ARHGAP26: variants seen among roughly 807,000 people sequenced by gnomAD.
ARHGAP26 encodes the protein Rho GTPase activating protein 26.
A neutral mutation model predicts 104.8 loss-of-function variants in ARHGAP26; 38 were observed. That is an observed-to-expected ratio of 0.36 (90% confidence interval 0.28 to 0.48). The LOEUF (loss-of-function observed/expected upper bound fraction) is 0.48. Among genes scored for constraint, ARHGAP26 ranks in the 20% least tolerant of loss-of-function variants. ARHGAP26 has a pLI of 0.99. For missense variants in ARHGAP26, 704 were observed against 947.9 expected (o/e 0.74, Z 3.38); for synonymous variants, 341 against 340.0 (o/e 1.00, Z -0.03).
At chr5:143,149,485 G>A (rs529322949) in intron 20 of ARHGAP26, among the ~76,000 whole-genome samples, 31 of 152,286 alleles carry the variant, frequency 2.0e-4, no homozygotes, top group African/African-American at 7.5e-4. Context: ...AGGCAGTGAG[G>A]TGATTTTCCT....
At chr5:142,806,335 C>A (rs1487828888) in intron 1 of ARHGAP26, among the ~76,000 whole-genome samples, 1 of 152,158 alleles carries the variant, frequency 6.6e-6, no homozygotes, top group Non-Finnish European at 1.5e-5. Flanking sequence ...TGGGCTCAAG[C>A]AATCCTCCTG....
chr5:142,959,623 C>G (rs991059668), intron 11 of ARHGAP26, among the ~76,000 whole-genome samples: 2 of 152,152 alleles, frequency 1.3e-5, no homozygotes, highest in Admixed American at 6.5e-5. Context: ...CATGTTGAAT[C>G]CACCCTATGC....
chr5:142,834,910 A>G (rs745436794), intron 1 of ARHGAP26, among the ~76,000 whole-genome samples: 4 of 152,202 alleles, frequency 2.6e-5, no homozygotes, highest in Non-Finnish European at 5.9e-5. Flanking sequence ...CTACCATATC[A>G]CCCAAAGAGT....
At chr5:143,063,216 T>G (rs1786994054) in intron 17 of ARHGAP26, among the ~76,000 whole-genome samples, 1 of 152,148 alleles carries the variant, frequency 6.6e-6, no homozygotes, top group South Asian at 2.1e-4. Context: ...TTCTAGTGAT[T>G]TTAACCCTTT....
Position 142,860,731 on chromosome 5 carries a change from C to T in ARHGAP26, c.155-12669C>T, listed in dbSNP as rs563505065. Among the ~76,000 whole-genome samples the T allele has an allele frequency of 5.3e-5, 8 of 152,352 alleles. No individual in the cohort carries two copies. In the South Asian group the frequency reaches 1.0e-3, roughly 20 times the overall value. Reference sequence around the variant, plus strand: ...GCTGTCACCTAGCTTTCTTCTACCACGAGCATTAATTGCCTGCTTTGGGAA... The same window carrying T: ...GCTGTCACCTAGCTTTCTTCTACCATGAGCATTAATTGCCTGCTTTGGGAA... On this transcript the variant is annotated intron_variant, in intron 1 of 22. Coordinates refer to ENST00000645722, the MANE Select transcript of ARHGAP26 (RefSeq NM_001135608.3).
chr5:143,201,507 C>A (rs1413542584), intron 20 of ARHGAP26, among the ~76,000 whole-genome samples: 1 of 152,068 alleles, frequency 6.6e-6, no homozygotes, highest in Non-Finnish European at 1.5e-5. Flanking sequence ...TGGTGAGGGG[C>A]AGGAGGGAGC....
rs541470990 is a variant in ARHGAP26 at position 142,819,976 on chromosome 5, G to A, written c.154+49061G>A. 4.6e-5 allele frequency among the ~76,000 whole-genome samples: 7 copies of A among 152,270 alleles called. No individual in the cohort carries two copies. In the South Asian group the frequency reaches 1.5e-3, roughly 32 times the overall value. On this transcript the variant is annotated intron_variant, in intron 1 of 22. Coordinates refer to ENST00000645722, the MANE Select transcript of ARHGAP26 (RefSeq NM_001135608.3). ...CCTTGAAGTTGTAGACAACATTTTG[G>A]ATTTACTTACCGGTCTGCCGTTGTT... is the stretch of plus-strand genomic sequence containing the variant.
chr5:142,975,861 A>C (rs1772998736), intron 11 of ARHGAP26, among the ~76,000 whole-genome samples: 1 of 152,246 alleles, frequency 6.6e-6, no homozygotes, highest in Non-Finnish European at 1.5e-5. Flanking sequence ...TATTTATCTT[A>C]CATGAATTCA....
In ARHGAP26 at chr5:143,066,562, G is replaced by A. The variant is rs140465926; in HGVS notation, c.1538+8815G>A. 3.8e-3 allele frequency among the ~76,000 whole-genome samples: 585 copies of A among 152,312 alleles called. 2 individuals are homozygous for A. Among genetic ancestry groups the A allele is most frequent in the African/African-American group, 0.014 (566 of 41,562 alleles). On this transcript the variant is annotated intron_variant, in intron 17 of 22. Transcript: ENST00000645722. Reference sequence around the variant, plus strand: ...AATCCGGGAACGGGAGAAAGAAGATGATAGAGCTGGTTTTAGGGTATGGGA... The same window carrying A: ...AATCCGGGAACGGGAGAAAGAAGATAATAGAGCTGGTTTTAGGGTATGGGA...
chr5:142,933,829 A>C (rs1243400473), intron 11 of ARHGAP26, among the ~76,000 whole-genome samples: 2 of 152,244 alleles, frequency 1.3e-5, no homozygotes, highest in Admixed American at 1.3e-4. Flanking sequence ...AATAGTTGGC[A>C]GTCTCCATCC....
intron 1 of ARHGAP26, among the ~76,000 whole-genome samples, chr5:142,823,976 C>T (rs1369948558): frequency 6.6e-6 from 1 of 152,136 alleles, no homozygotes; most frequent in African/African-American, 2.4e-5. Context: ...AATAACAAAG[C>T]AATGGATGAG....
intron 1 of ARHGAP26, among the ~76,000 whole-genome samples, chr5:142,791,586 T>C (rs1182326083): frequency 6.6e-6 from 1 of 152,168 alleles, no homozygotes; most frequent in African/African-American, 2.4e-5. Flanking sequence ...ACAAAGCCGT[T>C]TGTTTGTGTA....
chr5:143,009,316 A>G (rs1301185209), intron 11 of ARHGAP26, among the ~76,000 whole-genome samples: 1 of 152,154 alleles, frequency 6.6e-6, no homozygotes, highest in African/African-American at 2.4e-5. Context: ...CATCGTCGTC[A>G]TTGTCATCAT....
In ARHGAP26 at chr5:143,025,199, C is replaced by T. The variant is rs553879177; in HGVS notation, c.1144+11083C>T. Among the ~76,000 whole-genome samples the T allele has an allele frequency of 1.3e-3, 201 of 152,234 alleles. 2 individuals carry two copies. The highest frequency in any genetic ancestry group is 6.2e-3 in the South Asian group (30 of 4,820). ...ATTGCCTTATTTGATTTTCACAACA[C>T]CTGCATCTTATATGTGAGGGGAATG... On this transcript the variant is annotated intron_variant, in intron 12 of 22. Transcript: ENST00000645722.
chr5:143,016,226 G>A (rs1273681910), intron 12 of ARHGAP26, among the ~76,000 whole-genome samples: 1 of 152,160 alleles, frequency 6.6e-6, no homozygotes, highest in Non-Finnish European at 1.5e-5. Flanking sequence ...TGCATTACTT[G>A]ACCTCCCTCA....
chr5:143,014,260 A>T (rs1282339065), intron 12 of ARHGAP26, 144 bp downstream of exon 12: 2 of 845,984 alleles, frequency 2.4e-6, no homozygotes, highest in African/African-American at 3.4e-5. Context: ...ACATGCCTCC[A>T]CCCCAACTTT....
intron 20 of ARHGAP26, among the ~76,000 whole-genome samples, chr5:143,167,799 A>T (rs1292867282): frequency 1.3e-5 from 2 of 152,174 alleles, no homozygotes; most frequent in East Asian, 3.8e-4. Flanking sequence ...AGCTGCAGCC[A>T]TTCCAATGTG....
At chr5:142,875,630 C>T (rs904432650) in intron 3 of ARHGAP26, among the ~76,000 whole-genome samples, 1 of 152,098 alleles carries the variant, frequency 6.6e-6, no homozygotes, top group Non-Finnish European at 1.5e-5. Flanking sequence ...ACCCAGTAAA[C>T]AGGTACTTTG....
intron 5 of ARHGAP26, among the ~76,000 whole-genome samples, chr5:142,888,725 G>A (rs571628450): frequency 6.6e-6 from 1 of 152,270 alleles, no homozygotes; most frequent in Admixed American, 6.5e-5. Flanking sequence ...TTTTTGAATG[G>A]TAAAAAAGCT....
Sources: gnomAD v4.1 joint callset for allele counts (sites outside exome capture counted in the v4.1 genomes callset) on GRCh38, gnomAD v4.1.1 for gene constraint, MANE v1.5 for transcripts, NCBI Gene and HGNC (gene_info 2026-07-23, HGNC 2026-07-21) for gene names.